Variants in PIK3AP1 observed in about 807,000 individuals in gnomAD.
PIK3AP1 encodes phosphoinositide-3-kinase adaptor protein 1, also known as phosphoinositide 3-kinase adapter protein 1.
A neutral mutation model predicts 88.1 loss-of-function variants in PIK3AP1; 21 were observed. The ratio of observed to expected loss-of-function variants is 0.24; its 90% CI spans 0.17 to 0.34. The LOEUF (loss-of-function observed/expected upper bound fraction) is 0.34, where lower values mean the gene tolerates loss of function less well. Ranked by LOEUF, PIK3AP1 falls within the 10% of genes least tolerant of loss-of-function variation. The pLI is 1.00. For missense variants in PIK3AP1, 828 were observed against 1,035.7 expected (o/e 0.80, Z 2.75); for synonymous variants, 398 against 400.0 (o/e 1.00, Z 0.06).
intron 15 of PIK3AP1, chr10:96,603,708 ACACCAC>A (rs1848949430): frequency 4.6e-6 from 1 of 217,242 alleles, no homozygotes; most frequent in Non-Finnish European, 8.6e-6. Flanking sequence ...ACACACACAC[ACACCAC>A]ATATATATAT....
rs1001580412 is a variant in PIK3AP1, at chr10:96,595,027, G to A, written c.*550C>T. 4 of 153,898 alleles carry A rather than the reference G, an allele frequency of 2.6e-5. No individual in the cohort carries two copies. Among genetic ancestry groups the A allele is most frequent in the African/African-American group, 9.6e-5 (4 of 41,456 alleles). The allele number at this position is 153,898 out of a possible 1,614,324, so 9.5% of individuals were successfully genotyped here. On this transcript the variant is annotated 3_prime_UTR_variant, in exon 17 of 17. Transcript: ENST00000339364. ...CAGATTTGCCTTCTGTATAAGAGGA[G>A]TTTGTACTAATCCCTCTAGTCTTTT...
chr10:96,620,798 C>T, intron 11 of PIK3AP1: 2 of 477,740 alleles, frequency 4.2e-6, no homozygotes, highest in Non-Finnish European at 7.6e-6. Context: ...GTGAAATCTG[C>T]TGACTCTCCC....
intron 13 of PIK3AP1, among the ~76,000 whole-genome samples, chr10:96,615,503 G>T (rs1175647082): frequency 6.6e-6 from 1 of 152,174 alleles, no homozygotes. Context: ...CCAGATTTAG[G>T]ATACGCTTTG....
chr10:96,680,387 A>G (rs1843983168), intron 2 of PIK3AP1, among the ~76,000 whole-genome samples: 1 of 151,994 alleles, frequency 6.6e-6, no homozygotes, highest in Non-Finnish European at 1.5e-5. Context: ...GGTTTGTTGT[A>G]CAGATTATTT....
chr10:96,672,691 G>A (rs944203384), intron 2 of PIK3AP1, among the ~76,000 whole-genome samples: 7 of 146,078 alleles, frequency 4.8e-5, no homozygotes, highest in African/African-American at 1.2e-4. Flanking sequence ...TGAAAGCACC[G>A]TGGTGCCCAC....
chr10:96,656,779 GGCC>G lies in PIK3AP1; in HGVS notation c.567+16_567+18del. 1 of 1,612,422 alleles carries G rather than the reference GGCC, an allele frequency of 6.2e-7. No homozygotes were observed. The highest frequency in any genetic ancestry group is 8.5e-7 in the Non-Finnish European group (1 of 1,178,998). On this transcript the variant is annotated intron_variant, in intron 3 of 16. Transcript: ENST00000339364. ...CCCAAGTGCTGACATCCAGCTACCA[GGCC>G]CCCAGCAGTGCCTACCCCACAGCGA...
rs58665061 is a variant in PIK3AP1 at position 96,634,227 on chromosome 10, A to T, written c.1376-5734T>A. Reference sequence around the variant, plus strand: ...GCCAGACGATCCGAGGCACGGCTGGAAGAACATGATGGGGGCAAAGGTGCA... The same window carrying T: ...GCCAGACGATCCGAGGCACGGCTGGTAGAACATGATGGGGGCAAAGGTGCA... On this transcript the variant is annotated intron_variant, in intron 8 of 16. Coordinates refer to ENST00000339364, the MANE Select transcript of PIK3AP1 (RefSeq NM_152309.3). Among the ~76,000 whole-genome samples, 1,072 of 152,314 alleles carry T rather than the reference A, an allele frequency of 7.0e-3. 15 individuals are homozygous for T. The highest frequency in any genetic ancestry group is 0.024 in the African/African-American group (993 of 41,568).
At chr10:96,598,894 G>A (rs1848831723) in intron 16 of PIK3AP1, among the ~76,000 whole-genome samples, 1 of 152,236 alleles carries the variant, frequency 6.6e-6, no homozygotes, top group African/African-American at 2.4e-5. Context: ...CAGATCATCG[G>A]TGAATACAGG....
intron 8 of PIK3AP1, among the ~76,000 whole-genome samples, chr10:96,639,301 G>A (rs369624676): frequency 1.2e-4 from 19 of 152,198 alleles, no homozygotes; most frequent in African/African-American, 4.3e-4. Flanking sequence ...TCAAGAAATC[G>A]CTGAACACCT....
intron 2 of PIK3AP1, among the ~76,000 whole-genome samples, chr10:96,702,908 G>A (rs951295346): frequency 2.6e-5 from 4 of 152,030 alleles, no homozygotes; most frequent in South Asian, 2.1e-4. Flanking sequence ...ACAGGGTCTC[G>A]CTCTGTCTCC....
At chr10:96,648,632 C>T in intron 7 of PIK3AP1, 27 bp downstream of exon 7, 1 of 1,576,346 alleles carries the variant, frequency 6.3e-7, no homozygotes, top group Non-Finnish European at 8.6e-7. Flanking sequence ...CATTTCCAAT[C>T]CTGGGCCCCT....
At position 96,660,102 on chromosome 10, in the gene PIK3AP1, T is replaced by C. The variant is rs1423533724; in HGVS notation, c.431-3168A>G. 2.0e-5 allele frequency among the ~76,000 whole-genome samples: 3 copies of C among 152,100 alleles called. No individual in the cohort carries two copies. The East Asian group carries it at 5.8e-4, about 29-fold the overall frequency. On this transcript the variant is annotated intron_variant, in intron 2 of 16. Transcript: ENST00000339364. Reference sequence around the variant, plus strand: ...AGGCTTCATTCCCATAAAAACTTAATATGGGATTTTAAAAAGCATTAAAAA... The same window carrying C: ...AGGCTTCATTCCCATAAAAACTTAACATGGGATTTTAAAAAGCATTAAAAA...
chr10:96,669,853 G>T (rs1843818427), intron 2 of PIK3AP1, among the ~76,000 whole-genome samples: 1 of 151,898 alleles, frequency 6.6e-6, no homozygotes, highest in African/African-American at 2.4e-5. Flanking sequence ...ACTATAAATA[G>T]AACTAAATTA....
In PIK3AP1 at chr10:96,603,746, C is replaced by A. The variant is rs544947373; in HGVS notation, c.2241+233G>T. On this transcript the variant is annotated intron_variant, in intron 15 of 16. Coordinates refer to ENST00000339364, the MANE Select transcript of PIK3AP1 (RefSeq NM_152309.3). ...ATATATGTTCTGTCCCTCTAGAGAA[C>A]CCTAATACACCTGTCCCCATTAAGC... The A allele has an allele frequency of 5.8e-5, 26 of 446,720 alleles. No individual in the cohort carries two copies. The East Asian group carries it at 1.0e-3, about 18-fold the overall frequency. The allele number at this position is 446,720 out of a possible 1,614,324, so 27.7% of individuals were successfully genotyped here. A position where few individuals can be genotyped will look rare whatever the true frequency, so the allele number is the denominator to read the frequency against.
intron 2 of PIK3AP1, among the ~76,000 whole-genome samples, chr10:96,662,355 CT>C (rs1328057692): frequency 2.0e-5 from 3 of 150,636 alleles, no homozygotes; most frequent in East Asian, 2.0e-4. Flanking sequence ...AATCCCTGCA[CT>C]TTTGGGAGGC....
At chr10:96,621,551 C>T (rs1227351904) in intron 11 of PIK3AP1, 3 of 152,310 alleles carry the variant, frequency 2.0e-5, no homozygotes, top group Admixed American at 2.0e-4. Flanking sequence ...GCGTCGACTC[C>T]TTGTTCTCAG....
At position 96,604,797 on chromosome 10, in the gene PIK3AP1, G is replaced by A. The variant is rs186418186; in HGVS notation, c.2171-748C>T. ...AGGTATGTATCACCCATGCAGACAC[G>A]CCTTGTAATAAGGGGCCGGACCCTT... On this transcript the variant is annotated intron_variant, in intron 14 of 16. Coordinates refer to ENST00000339364, the MANE Select transcript of PIK3AP1 (RefSeq NM_152309.3). 5.1e-4 allele frequency among the ~76,000 whole-genome samples: 78 copies of A among 152,258 alleles called. No homozygotes were observed. In the East Asian group the frequency reaches 6.9e-3, roughly 14 times the overall value.
intron 2 of PIK3AP1, among the ~76,000 whole-genome samples, chr10:96,663,187 A>G (rs555672469): frequency 1.2e-4 from 19 of 152,216 alleles, no homozygotes; most frequent in Non-Finnish European, 2.4e-4. Context: ...TTTCTTTCTG[A>G]GGTGATGAAA....
chr10:96,693,336 A>C (rs1317809300), intron 2 of PIK3AP1, among the ~76,000 whole-genome samples: 2 of 152,184 alleles, frequency 1.3e-5, no homozygotes, highest in African/African-American at 4.8e-5. Flanking sequence ...TAAAGGGACA[A>C]TAAACAAAAT....
Sources: allele counts gnomAD v4.1 joint callset (sites outside exome capture counted in the v4.1 genomes callset), GRCh38; gene constraint gnomAD v4.1.1; transcripts MANE v1.5; gene names NCBI Gene and HGNC (gene_info 2026-07-23, HGNC 2026-07-21).